The following TEAD4 variants were observed in gnomAD, a reference collection of about 807,000 sequenced individuals.
TEAD4 encodes transcriptional enhancer factor TEF-3.
Under a neutral mutation model 52.4 loss-of-function variants are expected in TEAD4, and 36 were observed. The observed-to-expected ratio is 0.69, with a 90% CI of 0.53 to 0.91. TEAD4 has a LOEUF of 0.91. Ranked by LOEUF, TEAD4 falls within the 40% of genes least tolerant of loss-of-function variation. The pLI is 0.00. For missense variants in TEAD4, 508 were observed against 583.9 expected, an observed-to-expected ratio of 0.87 and a Z score of 1.34; for synonymous variants, 220 against 231.0, an observed-to-expected ratio of 0.95 and a Z score of 0.43.
At chr12:2,988,594 T>A (rs1372604019) in intron 2 of TEAD4, among the ~76,000 whole-genome samples, 4 of 151,926 alleles carry the variant, frequency 2.6e-5, no homozygotes, top group African/African-American at 9.7e-5. Context: ...TTCAAAACGA[T>A]GTGTCTTTTT....
At chr12:2,970,666 A>G (rs1349139369) in intron 2 of TEAD4, among the ~76,000 whole-genome samples, 1 of 152,166 alleles carries the variant, frequency 6.6e-6, no homozygotes, top group Non-Finnish European at 1.5e-5. Context: ...AGATCCGAAG[A>G]TCCTAATCTA....
chr12:3,009,103 C>T (rs1015441889), intron 3 of TEAD4, among the ~76,000 whole-genome samples: 13 of 152,132 alleles, frequency 8.5e-5, no homozygotes, highest in African/African-American at 2.2e-4. Flanking sequence ...GAAGAATCTG[C>T]GGGAAAAACC....
At chr12:3,000,470 T>A (rs1422056749) in intron 3 of TEAD4, among the ~76,000 whole-genome samples, 2 of 151,994 alleles carry the variant, frequency 1.3e-5, no homozygotes, top group Admixed American at 6.6e-5. Context: ...GGCCTTTTCT[T>A]CCTCGGAGAC....
At chr12:2,961,002 T>A (rs2098214810) in intron 2 of TEAD4, among the ~76,000 whole-genome samples, 1 of 151,844 alleles carries the variant, frequency 6.6e-6, no homozygotes, top group African/African-American at 2.4e-5. Context: ...AGGGCGAGGG[T>A]CTTGTGCTTG....
chr12:2,967,609 A>C (rs11062436), intron 2 of TEAD4, among the ~76,000 whole-genome samples: 99,292 of 152,088 alleles, frequency 0.65, 38,248 homozygotes, highest in Non-Finnish European at 0.86. Flanking sequence ...CTTACTCTTC[A>C]TTCATGTTGA....
At position 3,010,985 on chromosome 12, in the gene TEAD4, G is replaced by A; in HGVS notation, c.227-19G>A. 6.2e-7 allele frequency: 1 copy of A among 1,614,018 alleles called. No homozygotes were observed. The highest frequency in any genetic ancestry group is 8.5e-7 in the Non-Finnish European group (1 of 1,179,908). On this transcript the variant is annotated intron_variant, in intron 3 of 12. Transcript: ENST00000359864. Reference sequence around the variant, plus strand: ...CTTTTGTCCTTCTCTCCACTGAGAGGCTGCTGGTGTCTCTGCAGGTCGGAA... The same window carrying A: ...CTTTTGTCCTTCTCTCCACTGAGAGACTGCTGGTGTCTCTGCAGGTCGGAA...
intron 10 of TEAD4, among the ~76,000 whole-genome samples, chr12:3,029,286 G>A (rs887494697): frequency 3.6e-5 from 5 of 137,698 alleles, no homozygotes; most frequent in African/African-American, 1.0e-4. Flanking sequence ...CACCCAGGCC[G>A]GAGTGCAGTG....
At chr12:3,005,867 G>A (rs1468814619) in intron 3 of TEAD4, among the ~76,000 whole-genome samples, 1 of 152,060 alleles carries the variant, frequency 6.6e-6, no homozygotes, top group East Asian at 1.9e-4. Context: ...TGAATTCCTG[G>A]GCTTGGGCGA....
At chr12:3,000,384 C>T (rs760735551) in intron 3 of TEAD4, among the ~76,000 whole-genome samples, 2 of 152,150 alleles carry the variant, frequency 1.3e-5, no homozygotes, top group Admixed American at 6.5e-5. Context: ...TGAGGGCCTT[C>T]GTGCTGGAGG....
At chr12:3,028,691 C>G (rs1027068340) in intron 10 of TEAD4, among the ~76,000 whole-genome samples, 1 of 151,938 alleles carries the variant, frequency 6.6e-6, no homozygotes, top group African/African-American at 2.4e-5. Flanking sequence ...AGTACAGCGG[C>G]GTAATTTTGG....
chr12:2,990,212 T>C (rs1335360189), intron 2 of TEAD4, among the ~76,000 whole-genome samples: 1 of 152,176 alleles, frequency 6.6e-6, no homozygotes, highest in Non-Finnish European at 1.5e-5. Flanking sequence ...TCCAGCCTAC[T>C]TTGTAGTTTT....
intron 2 of TEAD4, among the ~76,000 whole-genome samples, chr12:2,969,525 C>T (rs1299855017): frequency 2.0e-5 from 3 of 152,198 alleles, no homozygotes; most frequent in African/African-American, 7.2e-5. Context: ...AGGACTAGGT[C>T]ACCTCCAGGG....
chr12:2,974,984 A>G (rs2098228299), intron 2 of TEAD4, among the ~76,000 whole-genome samples: 1 of 152,080 alleles, frequency 6.6e-6, no homozygotes, highest in Non-Finnish European at 1.5e-5. Context: ...CCTTAAAGTG[A>G]AGCCAATTGG....
chr12:2,978,888 T>C (rs966746781), intron 2 of TEAD4, among the ~76,000 whole-genome samples: 3 of 152,128 alleles, frequency 2.0e-5, no homozygotes, highest in Non-Finnish European at 4.4e-5. Flanking sequence ...TCATCCATGT[T>C]GTAGCCTATG....
intron 10 of TEAD4, among the ~76,000 whole-genome samples, chr12:3,029,817 G>C (rs1320408743): frequency 6.6e-6 from 1 of 152,220 alleles, no homozygotes; most frequent in African/African-American, 2.4e-5. Flanking sequence ...TGCAAGGTAG[G>C]ACTTGTCACC....
chr12:2,964,386 G>A (rs527688535), intron 2 of TEAD4, among the ~76,000 whole-genome samples: 10 of 152,130 alleles, frequency 6.6e-5, no homozygotes, highest in African/African-American at 9.7e-5. Context: ...GGCGATCTTG[G>A]GTTGTGGGCA....
chr12:2,995,508 C>G (rs1479382823), intron 3 of TEAD4, among the ~76,000 whole-genome samples: 1 of 152,102 alleles, frequency 6.6e-6, no homozygotes, highest in African/African-American at 2.4e-5. Flanking sequence ...TGGAGAGTTC[C>G]TAGGAGAGGC....
At chr12:3,012,498 A>G (rs546801106) in intron 5 of TEAD4, among the ~76,000 whole-genome samples, 2 of 152,112 alleles carry the variant, frequency 1.3e-5, no homozygotes, top group South Asian at 2.1e-4. Context: ...AGGGGCTCAC[A>G]CGGCTCAGAG....
At chr12:2,971,820 T>C (rs1414102553) in intron 2 of TEAD4, among the ~76,000 whole-genome samples, 1 of 146,962 alleles carries the variant, frequency 6.8e-6, no homozygotes, top group Non-Finnish European at 1.5e-5. Context: ...CTTTCTTTTT[T>C]TTTTTTTTTT....
Sources: allele counts gnomAD v4.1 joint callset (sites outside exome capture counted in the v4.1 genomes callset), GRCh38; gene constraint gnomAD v4.1.1; transcripts MANE v1.5; gene names NCBI Gene and HGNC (gene_info 2026-07-23, HGNC 2026-07-21).